Variants in PAM observed in about 807,000 individuals in gnomAD.
The protein encoded by PAM is peptidylglycine alpha-amidating monooxygenase, also known as peptidyl-glycine alpha-amidating monooxygenase.
PAM carries 72 observed loss-of-function variants against 122.1 expected under a neutral mutation model. That is an observed-to-expected ratio of 0.59 (90% CI 0.49 to 0.72). The LOEUF (loss-of-function observed/expected upper bound fraction) is 0.72, where lower values mean the gene tolerates loss of function less well. PAM is among the 30% of genes least tolerant of loss of function. The probability of loss-of-function intolerance (pLI) is 0.00; values close to 1 mark genes in which losing one functional copy is unlikely to be tolerated. For missense variants in PAM, 1,106 were observed against 1,183.7 expected, an observed-to-expected ratio of 0.93 and a Z score of 0.96; for synonymous variants, 389 against 404.4, an observed-to-expected ratio of 0.96 and a Z score of 0.46.
At chr5:102,776,054 C>T (rs1488292826) in intron 1 of PAM, among the ~76,000 whole-genome samples, 1 of 152,138 alleles carries the variant, frequency 6.6e-6, no homozygotes, top group African/African-American at 2.4e-5. Flanking sequence ...GAGATGGTAT[C>T]TCATTGTGGT....
chr5:102,951,881 A>C (rs1026215135), intron 12 of PAM, among the ~76,000 whole-genome samples: 1 of 152,128 alleles, frequency 6.6e-6, no homozygotes, highest in Admixed American at 6.6e-5. Flanking sequence ...TCAGGAAAGC[A>C]ATATTATTAT....
intron 1 of PAM, among the ~76,000 whole-genome samples, chr5:102,766,502 C>T (rs563241760): frequency 1.4e-4 from 21 of 152,258 alleles, no homozygotes; most frequent in Non-Finnish European, 2.8e-4. Flanking sequence ...ATAATGTGAG[C>T]GATGGGGAGT....
intron 7 of PAM, among the ~76,000 whole-genome samples, chr5:102,927,210 C>T (rs1418898346): frequency 6.6e-6 from 1 of 152,196 alleles, no homozygotes; most frequent in Admixed American, 6.5e-5. Flanking sequence ...CCCTAGACAC[C>T]TGTTGCTCTA....
chr5:102,899,990 T>G (rs1797241267), intron 3 of PAM, among the ~76,000 whole-genome samples: 1 of 151,578 alleles, frequency 6.6e-6, no homozygotes, highest in East Asian at 1.9e-4. Flanking sequence ...GCTGTGCGGT[T>G]ATCTCCCTGA....
chr5:102,968,637 T>C (rs1275613331), intron 14 of PAM, among the ~76,000 whole-genome samples: 3 of 152,170 alleles, frequency 2.0e-5, no homozygotes, highest in Admixed American at 6.5e-5. Context: ...AGTATAAATA[T>C]TATTAACACC....
At chr5:102,802,078 C>T (rs549221355) in intron 1 of PAM, among the ~76,000 whole-genome samples, 7 of 152,112 alleles carry the variant, frequency 4.6e-5, no homozygotes, top group African/African-American at 1.4e-4. Context: ...CCACCGCGCC[C>T]GGCCGGGAAA....
At chr5:102,941,777 AT>A (rs1456359493) in intron 7 of PAM, among the ~76,000 whole-genome samples, 1 of 122,196 alleles carries the variant, frequency 8.2e-6, no homozygotes, top group Admixed American at 1.2e-4. Context: ...GATGACCACC[AT>A]TTTTTTGAGT....
At chr5:102,822,563 T>C (rs1438471431) in intron 1 of PAM, among the ~76,000 whole-genome samples, 1 of 152,102 alleles carries the variant, frequency 6.6e-6, no homozygotes, top group Middle Eastern at 3.2e-3. Context: ...CGATTTTTTT[T>C]TTCTCCTCAT....
intron 3 of PAM, among the ~76,000 whole-genome samples, chr5:102,869,371 A>C (rs967701555): frequency 6.6e-6 from 1 of 150,520 alleles, no homozygotes; most frequent in East Asian, 1.9e-4. Context: ...ATAGAGGGCA[A>C]TGCAGAGAGA....
intron 3 of PAM, among the ~76,000 whole-genome samples, chr5:102,871,260 G>GTTCA (rs1217946279): frequency 2.6e-5 from 4 of 152,126 alleles, no homozygotes; most frequent in African/African-American, 9.7e-5. Context: ...GTGACATAAT[G>GTTCA]TTCAGTTGCC....
chr5:102,860,559 A>G (rs376886944), intron 1 of PAM, among the ~76,000 whole-genome samples: 3 of 151,914 alleles, frequency 2.0e-5, no homozygotes, highest in African/African-American at 7.2e-5. Context: ...AGTGGTGCAT[A>G]CCTGTGGTCC....
At chr5:102,960,143 T>A (rs931634969) in intron 13 of PAM, 84 bp downstream of exon 13, 6 of 734,442 alleles carry the variant, frequency 8.2e-6, no homozygotes, top group Non-Finnish European at 1.3e-5. Flanking sequence ...ATATTTAAAA[T>A]CATCTTTATT....
chr5:102,783,189 C>A (rs1759519276), intron 1 of PAM, among the ~76,000 whole-genome samples: 1 of 149,418 alleles, frequency 6.7e-6, no homozygotes. Flanking sequence ...GTTTGTGGGG[C>A]CCAGTTCAAA....
intron 1 of PAM, among the ~76,000 whole-genome samples, chr5:102,861,476 T>C (rs1056532656): frequency 1.3e-5 from 2 of 152,154 alleles, no homozygotes; most frequent in Middle Eastern, 3.2e-3. Context: ...TAATCTTCCA[T>C]AGAGTCAAGG....
rs1785594243 is a variant in PAM at position 102,866,459 on chromosome 5, G to A, written c.89+175G>A. On this transcript the variant is annotated intron_variant, in intron 2 of 25. Coordinates refer to ENST00000438793, the MANE Select transcript of PAM (RefSeq NM_001177306.2). ...CCGTGCAGAAAAAGCCCACTGCATT[G>A]TAGCCAAGCAGTTCTGGCTTTCAAA... 5.0e-6 allele frequency: 3 copies of A among 598,460 alleles called. No homozygotes were observed. In the East Asian group the frequency reaches 8.7e-5, roughly 17 times the overall value. The allele number at this position is 598,460 out of a possible 1,614,324, so 37.1% of individuals were successfully genotyped here.
intron 1 of PAM, among the ~76,000 whole-genome samples, chr5:102,862,909 T>C (rs1247696692): frequency 6.6e-6 from 1 of 152,142 alleles, no homozygotes; most frequent in Non-Finnish European, 1.5e-5. Flanking sequence ...CAGGGTCTCT[T>C]ATAAATGAAT....
chr5:102,784,477 T>A (rs1759954771), intron 1 of PAM, among the ~76,000 whole-genome samples: 1 of 152,190 alleles, frequency 6.6e-6, no homozygotes, highest in Admixed American at 6.5e-5. Flanking sequence ...CCTTGTACAG[T>A]ACTTATTACA....
intron 4 of PAM, among the ~76,000 whole-genome samples, chr5:102,906,197 C>T (rs897661448): frequency 6.6e-6 from 1 of 151,634 alleles, no homozygotes; most frequent in Non-Finnish European, 1.5e-5. Context: ...CAATTAGGTA[C>T]ATCTAATGAT....
chr5:102,901,318 A>G lies in PAM; in HGVS notation c.211-38A>G, dbSNP rs1418230191. On this transcript the variant is annotated intron_variant, in intron 3 of 25. Coordinates refer to ENST00000438793, the MANE Select transcript of PAM (RefSeq NM_001177306.2). ...AGTTATTATTTCTTCCTTACTAGCA[A>G]CAGTTTAATTTGGATTTTTTAATCT... The G allele has an allele frequency of 4.2e-6, 5 of 1,189,172 alleles. No homozygotes were observed. In the Admixed American group the frequency reaches 5.4e-5, roughly 13 times the overall value. The allele number at this position is 1,189,172 out of a possible 1,614,324, so 73.7% of individuals were successfully genotyped here.
Sources: allele counts gnomAD v4.1 joint callset (sites outside exome capture counted in the v4.1 genomes callset), GRCh38; gene constraint gnomAD v4.1.1; transcripts MANE v1.5; gene names NCBI Gene and HGNC (gene_info 2026-07-23, HGNC 2026-07-21).